Variants in AMBRA1 observed in about 807,000 individuals in gnomAD.
AMBRA1 encodes the protein autophagy and beclin 1 regulator 1.
Under a neutral mutation model 125.4 loss-of-function variants are expected in AMBRA1, and 47 were observed. That is an observed-to-expected ratio of 0.37 (90% confidence interval 0.30 to 0.48). The LOEUF (loss-of-function observed/expected upper bound fraction) is 0.48, where lower values mean the gene tolerates loss of function less well. Among genes scored for constraint, AMBRA1 ranks in the 20% least tolerant of loss-of-function variants. AMBRA1 has a pLI of 0.99. For synonymous variants in AMBRA1, 626 were observed against 655.5 expected, an observed-to-expected ratio of 0.95 and a Z score of 0.69; for missense variants, 1,331 against 1,693.4, an observed-to-expected ratio of 0.79 and a Z score of 3.76.
rs889014730 is a variant in AMBRA1 at position 46,433,646 on chromosome 11, A to G, written c.2822-18T>C. 4 of 1,607,898 alleles carry G rather than the reference A, an allele frequency of 2.5e-6. No individual in the cohort carries two copies. Among genetic ancestry groups the G allele is most frequent in the Non-Finnish European group, 3.4e-6 (4 of 1,175,170 alleles). On this transcript the variant is annotated intron_variant, in intron 13 of 17. Coordinates refer to ENST00000683756, the MANE Select transcript of AMBRA1 (RefSeq NM_001387011.1). ...ATTGGGACCTGAGGGCCAACAAAAC[A>G]GAGAAATATTTCCTAGGCTTCTGGC...
At chr11:46,436,054 T>C (rs552245777) in intron 12 of AMBRA1, among the ~76,000 whole-genome samples, 1 of 152,210 alleles carries the variant, frequency 6.6e-6, no homozygotes, top group South Asian at 2.1e-4. Context: ...CTCATGTAGA[T>C]ATACCTCAAG....
chr11:46,548,538 G>A (rs1395989482), intron 1 of AMBRA1, 38 bp from the exon 2 acceptor site: 9 of 795,062 alleles, frequency 1.1e-5, no homozygotes, highest in Non-Finnish European at 1.7e-5. Flanking sequence ...AACGACTTCT[G>A]CAACGAGAAG....
intron 16 of AMBRA1, 48 bp downstream of exon 16, chr11:46,410,228 A>G (rs1946221978): frequency 6.3e-7 from 1 of 1,580,682 alleles, no homozygotes; most frequent in Non-Finnish European, 8.7e-7. Flanking sequence ...AGCAGGAGGA[A>G]GGGATGGGCC....
At chr11:46,519,744 G>A (rs534879700) in intron 7 of AMBRA1, among the ~76,000 whole-genome samples, 1 of 152,170 alleles carries the variant, frequency 6.6e-6, no homozygotes, top group Non-Finnish European at 1.5e-5. Flanking sequence ...CAGGGCATTT[G>A]GTATTCAAGC....
At chr11:46,498,109 G>A (rs969729598) in intron 9 of AMBRA1, among the ~76,000 whole-genome samples, 1 of 152,210 alleles carries the variant, frequency 6.6e-6, no homozygotes, top group Non-Finnish European at 1.5e-5. Flanking sequence ...GCAGGCAGAG[G>A]CTGAATATGA....
intron 3 of AMBRA1, 32 bp downstream of exon 3, chr11:46,547,785 C>T: frequency 6.3e-7 from 1 of 1,591,088 alleles, no homozygotes; most frequent in Non-Finnish European, 8.6e-7. Flanking sequence ...ACTGTTATCA[C>T]AAATCTTAAG....
At chr11:46,555,420 G>C (rs1009323601) in intron 1 of AMBRA1, among the ~76,000 whole-genome samples, 1 of 152,146 alleles carries the variant, frequency 6.6e-6, no homozygotes. Flanking sequence ...TGTAAAACAT[G>C]ATCACAATGT....
chr11:46,554,671 T>C (rs2043111062), intron 1 of AMBRA1, among the ~76,000 whole-genome samples: 2 of 152,180 alleles, frequency 1.3e-5, no homozygotes, highest in African/African-American at 4.8e-5. Context: ...TTTACTCTGT[T>C]CCCTGTAAAG....
At chr11:46,551,143 G>A (rs2042983930) in intron 1 of AMBRA1, among the ~76,000 whole-genome samples, 1 of 149,072 alleles carries the variant, frequency 6.7e-6, no homozygotes, top group Non-Finnish European at 1.5e-5. Flanking sequence ...ATATTGTCGA[G>A]AGAAAAAAAG....
chr11:46,450,952 G>A (rs1948561238), intron 11 of AMBRA1, among the ~76,000 whole-genome samples: 1 of 152,178 alleles, frequency 6.6e-6, no homozygotes, highest in Admixed American at 6.5e-5. Context: ...GGAAGCCTGT[G>A]GGTGTAAGGG....
At chr11:46,520,901 G>A (rs986717743) in intron 7 of AMBRA1, among the ~76,000 whole-genome samples, 7 of 151,956 alleles carry the variant, frequency 4.6e-5, no homozygotes, top group South Asian at 2.1e-4. Flanking sequence ...CACCGCGCCC[G>A]GCCCCTATAG....
intron 1 of AMBRA1, chr11:46,591,257 T>C (rs1022164118): frequency 3.9e-5 from 6 of 152,228 alleles, no homozygotes; most frequent in African/African-American, 1.2e-4. Flanking sequence ...TCCTCTGATA[T>C]ACATTCTCTT....
intron 12 of AMBRA1, among the ~76,000 whole-genome samples, chr11:46,437,668 C>A (rs964650064): frequency 6.6e-6 from 1 of 152,192 alleles, no homozygotes; most frequent in Non-Finnish European, 1.5e-5. Flanking sequence ...AGCTTCCTCT[C>A]GTAAGGCTGA....
intron 6 of AMBRA1, 114 bp from the exon 7 acceptor site, chr11:46,543,512 A>G: frequency 7.3e-7 from 1 of 1,370,592 alleles, no homozygotes; most frequent in Non-Finnish European, 9.9e-7. Context: ...CAATGTTCAT[A>G]GGTAGGAAAC....
chr11:46,448,537 A>G (rs368549192), intron 11 of AMBRA1, among the ~76,000 whole-genome samples: 1 of 152,318 alleles, frequency 6.6e-6, no homozygotes, highest in East Asian at 1.9e-4. Context: ...CTGTAATTTA[A>G]GCACCTACCA....
intron 11 of AMBRA1, among the ~76,000 whole-genome samples, chr11:46,487,455 A>G (rs573862100): frequency 2.1e-4 from 32 of 152,270 alleles, no homozygotes; most frequent in African/African-American, 7.7e-4. Context: ...CAGGCAACAA[A>G]CAGAAGGATG....
chr11:46,396,668 TC>T lies in AMBRA1; in HGVS notation c.*781del, dbSNP rs1180688366. The T allele has an allele frequency of 2.0e-5, 3 of 152,688 alleles. No individual in the cohort carries two copies. The highest frequency in any genetic ancestry group is 7.2e-5 in the African/African-American group (3 of 41,444). The allele number at this position is 152,688 out of a possible 1,614,324, so 9.5% of individuals were successfully genotyped here. Reference sequence around the variant, plus strand: ...ATTCTGACCTGGAGTCTCCTCCCCTTCCCCAGCCTTGGGCTAGCTTTGGCCT... The same window carrying T: ...ATTCTGACCTGGAGTCTCCTCCCCTTCCCAGCCTTGGGCTAGCTTTGGCCT... On this transcript the variant is annotated 3_prime_UTR_variant, in exon 18 of 18. Coordinates refer to ENST00000683756, the MANE Select transcript of AMBRA1 (RefSeq NM_001387011.1).
intron 1 of AMBRA1, among the ~76,000 whole-genome samples, chr11:46,560,784 A>C (rs2043306382): frequency 1.3e-5 from 2 of 152,232 alleles, no homozygotes; most frequent in South Asian, 4.1e-4. Flanking sequence ...AGAAATGGCA[A>C]AAGATTTCCT....
intron 8 of AMBRA1, among the ~76,000 whole-genome samples, chr11:46,510,460 A>T (rs988321883): frequency 6.6e-6 from 1 of 152,234 alleles, no homozygotes; most frequent in Non-Finnish European, 1.5e-5. Context: ...AAGAATATAC[A>T]AGGAGAAAAA....
Sources: gnomAD v4.1 joint callset for allele counts (sites outside exome capture counted in the v4.1 genomes callset) on GRCh38, gnomAD v4.1.1 for gene constraint, MANE v1.5 for transcripts, NCBI Gene and HGNC (gene_info 2026-07-23, HGNC 2026-07-21) for gene names.